The following RAB3GAP1 variants were observed in gnomAD, a reference collection of about 807,000 sequenced individuals.
RAB3GAP1 encodes rab3 GTPase-activating protein catalytic subunit.
In RAB3GAP1, 86 loss-of-function variants were observed where a neutral mutation model predicts 130.7. That is an observed-to-expected ratio of 0.66 (90% CI 0.55 to 0.79). RAB3GAP1 has a LOEUF of 0.79. Ranked by LOEUF, RAB3GAP1 falls within the 30% of genes least tolerant of loss-of-function variation. The probability of loss-of-function intolerance (pLI) is 0.00; values close to 1 mark genes in which losing one functional copy is unlikely to be tolerated. For synonymous variants in RAB3GAP1, 367 were observed against 401.7 expected (o/e 0.91, Z 1.03); for missense variants, 1,029 against 1,169.4 (o/e 0.88, Z 1.75).
chr2:135,101,815 T>C (rs989942348), intron 5 of RAB3GAP1, among the ~76,000 whole-genome samples: 3 of 152,190 alleles, frequency 2.0e-5, no homozygotes, highest in Non-Finnish European at 4.4e-5. Context: ...TCTTTAAATA[T>C]CTTCTAGTGG....
intron 17 of RAB3GAP1, among the ~76,000 whole-genome samples, chr2:135,141,294 G>A (rs1043586018): frequency 5.4e-5 from 8 of 147,800 alleles, no homozygotes; most frequent in Non-Finnish European, 1.2e-4. Flanking sequence ...GTGTGGTCTC[G>A]GCTCACTGCA....
At chr2:135,144,671 T>G (rs144852464) in intron 17 of RAB3GAP1, among the ~76,000 whole-genome samples, 177 of 152,368 alleles carry the variant, frequency 1.2e-3, no homozygotes, top group Non-Finnish European at 1.2e-3. Flanking sequence ...ATTTGACTTT[T>G]TGCTGCCACT....
At chr2:135,068,695 G>GT (rs1279003651) in intron 3 of RAB3GAP1, among the ~76,000 whole-genome samples, 1 of 152,220 alleles carries the variant, frequency 6.6e-6, no homozygotes, top group Non-Finnish European at 1.5e-5. Flanking sequence ...AGAGGTTGCA[G>GT]TGAGCTGAGA....
rs1690139788 is a variant in RAB3GAP1, at chr2:135,091,497, G to C, written c.283+367G>C. Among the ~76,000 whole-genome samples the C allele has an allele frequency of 2.0e-5, 3 of 152,110 alleles. No individual in the cohort carries two copies. The South Asian group carries it at 6.2e-4, about 31-fold the overall frequency. ...AAGATCACTTTTAATTGGGAGATTAGAGAAGGAGAATTAAGCAAGTAAGTT... is the reference window on the plus strand; with the variant it reads ...AAGATCACTTTTAATTGGGAGATTACAGAAGGAGAATTAAGCAAGTAAGTT... On this transcript the variant is annotated intron_variant, in intron 4 of 23. Transcript: ENST00000264158.
intron 2 of RAB3GAP1, among the ~76,000 whole-genome samples, chr2:135,056,555 T>C (rs1263126023): frequency 6.6e-6 from 1 of 152,226 alleles, no homozygotes; most frequent in African/African-American, 2.4e-5. Flanking sequence ...ATATTAGTCC[T>C]CTGAGTGGAT....
intron 17 of RAB3GAP1, chr2:135,136,803 G>C (rs1691690205): frequency 1.3e-6 from 1 of 796,714 alleles, no homozygotes. Flanking sequence ...AGCCATAAAG[G>C]TTGGTCCCAG....
intron 13 of RAB3GAP1, among the ~76,000 whole-genome samples, chr2:135,131,477 G>T (rs1019350174): frequency 1.3e-5 from 2 of 152,068 alleles, no homozygotes; most frequent in South Asian, 2.1e-4. Context: ...TAATCCGCCC[G>T]CCTCGGCCTC....
intron 7 of RAB3GAP1, among the ~76,000 whole-genome samples, chr2:135,117,660 TCTG>T (rs1390836539): frequency 2.5e-5 from 3 of 122,076 alleles, no homozygotes; most frequent in Admixed American, 8.3e-5. Flanking sequence ...TTCTGCTTCT[TCTG>T]CTTCTGCTTC....
At chr2:135,133,093 C>T (rs1415382981) in intron 14 of RAB3GAP1, 109 bp downstream of exon 14, 2 of 753,902 alleles carry the variant, frequency 2.7e-6, no homozygotes, top group Non-Finnish European at 4.4e-6. Flanking sequence ...TTAAAAATCA[C>T]CTTGGGAATT....
intron 5 of RAB3GAP1, among the ~76,000 whole-genome samples, chr2:135,106,465 G>A (rs575006813): frequency 1.3e-5 from 2 of 152,100 alleles, no homozygotes; most frequent in South Asian, 2.1e-4. Flanking sequence ...CCCCCAACCC[G>A]TGCTCTCTGA....
intron 23 of RAB3GAP1, 48 bp downstream of exon 23, chr2:135,164,744 A>T: frequency 2.1e-6 from 3 of 1,445,762 alleles, no homozygotes; most frequent in Non-Finnish European, 2.9e-6. Context: ...CCAAACCTCT[A>T]CTTGGGAAGA....
At chr2:135,114,936 C>G (rs1180219639) in intron 6 of RAB3GAP1, among the ~76,000 whole-genome samples, 1 of 152,140 alleles carries the variant, frequency 6.6e-6, no homozygotes, top group African/African-American at 2.4e-5. Flanking sequence ...CACTTTTACT[C>G]AAGACAGTTT....
intron 5 of RAB3GAP1, among the ~76,000 whole-genome samples, chr2:135,107,105 A>G (rs1278636818): frequency 1.3e-5 from 2 of 152,076 alleles, no homozygotes; most frequent in South Asian, 4.1e-4. Flanking sequence ...GGAGAAAAAA[A>G]AAAAAAAACC....
chr2:135,150,473 T>C lies in RAB3GAP1; in HGVS notation c.2028T>C (p.Ser676=). The stretch of plus-strand genomic sequence containing the variant: ...CTCACCTTCGAGCACGCATGCAGAG[T>C]GCCTGTCTGCTCTCAGATATGGAGT... ...EGAHLRARMQ[S]ACLLSDMESF... Residue 676 remains serine (S), a synonymous_variant, in exon 18 of 24, where the codon AGT becomes AGC. Transcript: ENST00000264158. 1 of 1,614,110 alleles carries C rather than the reference T, an allele frequency of 6.2e-7. No homozygotes were observed. The highest frequency in any genetic ancestry group is 2.2e-5 in the East Asian group (1 of 44,880).
At chr2:135,061,684 G>T (rs563507427) in intron 3 of RAB3GAP1, among the ~76,000 whole-genome samples, 2 of 151,164 alleles carry the variant, frequency 1.3e-5, no homozygotes, top group African/African-American at 4.9e-5. Flanking sequence ...TTTTTTTTTG[G>T]TATATATATA....
chr2:135,067,465 A>G (rs1296410314), intron 3 of RAB3GAP1, among the ~76,000 whole-genome samples: 1 of 152,208 alleles, frequency 6.6e-6, no homozygotes, highest in Non-Finnish European at 1.5e-5. Flanking sequence ...GAAAAAAAAT[A>G]GGTGTTTTGT....
intron 23 of RAB3GAP1, 63 bp from the exon 24 acceptor site, chr2:135,168,482 T>C (rs1692730065): frequency 7.7e-7 from 1 of 1,300,886 alleles, no homozygotes; most frequent in Non-Finnish European, 1.1e-6. Context: ...TCATCTGTCC[T>C]TCAAAAGCAT....
At chr2:135,099,804 C>A (rs1359852199) in intron 5 of RAB3GAP1, among the ~76,000 whole-genome samples, 1 of 151,930 alleles carries the variant, frequency 6.6e-6, no homozygotes, top group African/African-American at 2.4e-5. Flanking sequence ...ATACCCATAT[C>A]CCTGAGAGGT....
intron 15 of RAB3GAP1, 102 bp downstream of exon 15, chr2:135,134,135 A>C: frequency 7.6e-7 from 1 of 1,312,928 alleles, no homozygotes; most frequent in Non-Finnish European, 1.1e-6. Context: ...CTGCCCTAAG[A>C]AAGTGGCAAG....
Sources: allele counts gnomAD v4.1 joint callset (sites outside exome capture counted in the v4.1 genomes callset), GRCh38; gene constraint gnomAD v4.1.1; transcripts MANE v1.5; gene names NCBI Gene and HGNC (gene_info 2026-07-23, HGNC 2026-07-21).